NCAM1: variants seen among roughly 807,000 people sequenced by gnomAD.
The protein encoded by NCAM1 is antigen recognized by monoclonal antibody 5.1H11.
In NCAM1, 14 loss-of-function variants were observed where a neutral mutation model predicts 109.8. The observed-to-expected ratio is 0.13, with a 90% CI of 0.08 to 0.20. The LOEUF (loss-of-function observed/expected upper bound fraction) is 0.20, where lower values mean the gene tolerates loss of function less well. Among genes scored for constraint, NCAM1 ranks in the 10% least tolerant of loss-of-function variants. The pLI, the probability that NCAM1 is intolerant of heterozygous loss-of-function variation, is 1.00. For synonymous variants in NCAM1, 418 were observed against 442.9 expected, an observed-to-expected ratio of 0.94 and a Z score of 0.70; for missense variants, 774 against 1,109.9, an observed-to-expected ratio of 0.70 and a Z score of 4.30.
chr11:113,211,226 G>A (rs543387433), intron 7 of NCAM1, among the ~76,000 whole-genome samples: 1 of 152,274 alleles, frequency 6.6e-6, no homozygotes. Flanking sequence ...CCATCACTGG[G>A]GGAGAAATGG....
chr11:112,991,534 A>G (rs1555070590), intron 1 of NCAM1, among the ~76,000 whole-genome samples: 1 of 151,964 alleles, frequency 6.6e-6, no homozygotes, highest in Non-Finnish European at 1.5e-5. Context: ...TGGAGCTGGC[A>G]GGTATTTTAG....
At chr11:113,158,592 A>T (rs1245124) in intron 1 of NCAM1, among the ~76,000 whole-genome samples, 10,527 of 152,240 alleles carry the variant, frequency 0.069, 741 homozygotes, top group African/African-American at 0.17. Context: ...GTAATAAGCC[A>T]ATCCCTGTGC....
intron 1 of NCAM1, among the ~76,000 whole-genome samples, chr11:113,087,540 C>A (rs1253431539): frequency 6.6e-6 from 1 of 152,168 alleles, no homozygotes; most frequent in African/African-American, 2.4e-5. Context: ...CTGTTCCTTT[C>A]TGAAGTTGTC....
rs1416631634 is a variant in NCAM1 at position 113,214,860 on chromosome 11, A to G, written c.1059+349A>G. On this transcript the variant is annotated intron_variant, in intron 8 of 19. Transcript: ENST00000316851. Reference sequence around the variant, plus strand: ...TCCTGGTCCACCAGGTGACATTGTCATCATATCAAGGGCACCCTAGGAAAG... The same window carrying G: ...TCCTGGTCCACCAGGTGACATTGTCGTCATATCAAGGGCACCCTAGGAAAG... Among the ~76,000 whole-genome samples the G allele has an allele frequency of 5.3e-5, 8 of 152,246 alleles. No homozygotes were observed. In the East Asian group the frequency reaches 1.5e-3, roughly 29 times the overall value.
At chr11:113,053,771 T>A (rs1164489578) in intron 1 of NCAM1, among the ~76,000 whole-genome samples, 3 of 152,214 alleles carry the variant, frequency 2.0e-5, no homozygotes, top group Non-Finnish European at 4.4e-5. Context: ...TATTACTTAC[T>A]CTTGCCCATC....
At chr11:113,049,418 C>CATTACATTACATGTAATGTAATGTGTAA (rs1953387149) in intron 1 of NCAM1, among the ~76,000 whole-genome samples, 1 of 152,158 alleles carries the variant, frequency 6.6e-6, no homozygotes, top group South Asian at 2.1e-4. Flanking sequence ...AGAAATTAGC[C>CATTACATTACATGTAATGTAATGTGTAA]TATGTAATGT....
chr11:113,139,030 A>G (rs1941715652), intron 1 of NCAM1, among the ~76,000 whole-genome samples: 1 of 152,230 alleles, frequency 6.6e-6, no homozygotes, highest in Non-Finnish European at 1.5e-5. Context: ...CCATTGGGGA[A>G]TTATCCTAGT....
chr11:113,221,967 T>C (rs1944705183), intron 9 of NCAM1: 1 of 152,346 alleles, frequency 6.6e-6, no homozygotes, highest in African/African-American at 2.4e-5. Flanking sequence ...GAAATTTCTC[T>C]GACTCATTGC....
intron 7 of NCAM1, among the ~76,000 whole-genome samples, chr11:113,209,717 G>A (rs890378785): frequency 5.3e-5 from 8 of 152,220 alleles, no homozygotes; most frequent in Non-Finnish European, 7.3e-5. Context: ...GAATAACATG[G>A]ACTCTGTTCT....
chr11:113,074,767 G>A (rs1453409745), intron 1 of NCAM1, among the ~76,000 whole-genome samples: 1 of 152,152 alleles, frequency 6.6e-6, no homozygotes, highest in Admixed American at 6.5e-5. Context: ...AAATAGCTGG[G>A]ATTACAGGCC....
intron 1 of NCAM1, among the ~76,000 whole-genome samples, chr11:113,005,246 C>A (rs537709655): frequency 2.0e-5 from 3 of 152,072 alleles, no homozygotes; most frequent in Non-Finnish European, 4.4e-5. Context: ...GAGGCTTTCC[C>A]CAAATTTCTG....
chr11:113,027,264 C>T (rs1418286296), intron 1 of NCAM1, among the ~76,000 whole-genome samples: 16 of 152,118 alleles, frequency 1.1e-4, no homozygotes, highest in Admixed American at 1.0e-3. Context: ...ATTTGGGATC[C>T]TAAAGAGTAT....
At chr11:113,194,939 A>G (rs1039893680) in intron 1 of NCAM1, among the ~76,000 whole-genome samples, 5 of 152,194 alleles carry the variant, frequency 3.3e-5, no homozygotes, top group African/African-American at 1.2e-4. Flanking sequence ...CTTGGGATTT[A>G]TGTAAGAGGA....
At chr11:113,150,386 A>C (rs1555102238) in intron 1 of NCAM1, among the ~76,000 whole-genome samples, 2 of 152,204 alleles carry the variant, frequency 1.3e-5, no homozygotes, top group Non-Finnish European at 2.9e-5. Context: ...TGGAAACTGC[A>C]TGAGTCCCTC....
rs190094217 is a variant in NCAM1 at position 113,074,717 on chromosome 11, C to T, written c.52+113053C>T. On this transcript the variant is annotated intron_variant, in intron 1 of 19. Coordinates refer to ENST00000316851, the MANE Select transcript of NCAM1 (RefSeq NM_181351.5). ...CATGATCTCTGCTTACTGCAACCTC[C>T]GCCTCCCAGGTTCAAGCGATTCTGC... Among the ~76,000 whole-genome samples, 11 of 152,122 alleles carry T rather than the reference C, an allele frequency of 7.2e-5. No homozygotes were observed. The East Asian group carries it at 1.4e-3, about 19-fold the overall frequency.
At chr11:113,208,756 G>T (rs1944313051) in intron 7 of NCAM1, among the ~76,000 whole-genome samples, 1 of 152,050 alleles carries the variant, frequency 6.6e-6, no homozygotes, top group Non-Finnish European at 1.5e-5. Context: ...TTTGGGGATT[G>T]TCTGTCTCCT....
chr11:113,065,686 G>A (rs73566697), intron 1 of NCAM1, among the ~76,000 whole-genome samples: 2,334 of 152,264 alleles, frequency 0.015, 57 homozygotes, highest in African/African-American at 0.053. Context: ...GTTATCAGAA[G>A]CAAGCAAAGT....
At chr11:113,052,441 C>T (rs1428971927) in intron 1 of NCAM1, among the ~76,000 whole-genome samples, 1 of 151,978 alleles carries the variant, frequency 6.6e-6, no homozygotes, top group African/African-American at 2.4e-5. Flanking sequence ...AGCAGCAGTC[C>T]CTCCCCACCC....
At chr11:113,248,657 G>A (rs1945571105) in intron 15 of NCAM1, among the ~76,000 whole-genome samples, 2 of 152,112 alleles carry the variant, frequency 1.3e-5, no homozygotes, top group Admixed American at 1.3e-4. Context: ...AAAGAAAACT[G>A]CCTGGGATAT....
Sources: gnomAD v4.1 joint callset for allele counts (sites outside exome capture counted in the v4.1 genomes callset) on GRCh38, gnomAD v4.1.1 for gene constraint, MANE v1.5 for transcripts, NCBI Gene and HGNC (gene_info 2026-07-23, HGNC 2026-07-21) for gene names.